Variants in ARHGAP39 observed in about 807,000 individuals in gnomAD.
ARHGAP39 encodes the protein Rho GTPase activating protein 39.
ARHGAP39 carries 44 observed loss-of-function variants against 106.9 expected under a neutral mutation model. The observed-to-expected ratio is 0.41, with a 90% CI of 0.32 to 0.53. ARHGAP39 has a LOEUF of 0.53. Among genes scored for constraint, ARHGAP39 ranks in the 20% least tolerant of loss-of-function variants. ARHGAP39 has a pLI of 0.21. For synonymous variants in ARHGAP39, 768 were observed against 693.2 expected (o/e 1.11, Z -1.69); for missense variants, 1,496 against 1,577.3 (o/e 0.95, Z 0.87).
chr8:144,590,535 C>G (rs1819352245), intron 2 of ARHGAP39, among the ~76,000 whole-genome samples: 1 of 152,064 alleles, frequency 6.6e-6, no homozygotes, highest in Non-Finnish European at 1.5e-5. Flanking sequence ...TGAGCAGATG[C>G]TGGCGCCATG....
intron 4 of ARHGAP39, among the ~76,000 whole-genome samples, chr8:144,551,490 G>T: frequency 6.6e-6 from 1 of 152,166 alleles, no homozygotes; most frequent in East Asian, 1.9e-4. Flanking sequence ...AGTCACAGAT[G>T]GGGAAGCCCC....
chr8:144,685,532 T>C (rs962575343), intron 1 of ARHGAP39, among the ~76,000 whole-genome samples, 154 bp downstream of exon 1: 3 of 73,794 alleles, frequency 4.1e-5, no homozygotes, highest in South Asian at 4.5e-4. Flanking sequence ...TCACAGCCCC[T>C]CCCGCCGCTG....
chr8:144,599,486 C>A (rs1400036776), intron 2 of ARHGAP39, among the ~76,000 whole-genome samples: 2 of 151,980 alleles, frequency 1.3e-5, no homozygotes, highest in Non-Finnish European at 2.9e-5. Context: ...CAATAGAAAC[C>A]CAGGAGATAA....
intron 7 of ARHGAP39, 72 bp from the exon 8 acceptor site, chr8:144,534,274 C>T: frequency 1.3e-6 from 2 of 1,562,088 alleles, no homozygotes; most frequent in Non-Finnish European, 1.8e-6. Context: ...GGTGAGCAGA[C>T]ACAGCTCCTT....
intron 1 of ARHGAP39, among the ~76,000 whole-genome samples, chr8:144,680,491 G>A (rs755375244): frequency 6.6e-6 from 1 of 152,168 alleles, no homozygotes; most frequent in African/African-American, 2.4e-5. Context: ...TCTGGAGTAC[G>A]GGTTAGGCCT....
At chr8:144,633,823 G>A (rs545270290) in intron 1 of ARHGAP39, among the ~76,000 whole-genome samples, 10 of 152,150 alleles carry the variant, frequency 6.6e-5, no homozygotes, top group Non-Finnish European at 1.3e-4. Context: ...ACTACAGCGC[G>A]TACCACCATG....
At chr8:144,536,169 C>T (rs1424509216) in intron 7 of ARHGAP39, among the ~76,000 whole-genome samples, 3 of 152,222 alleles carry the variant, frequency 2.0e-5, no homozygotes, top group Non-Finnish European at 4.4e-5. Flanking sequence ...GCCTGGACCT[C>T]AGCCCTCATC....
At chr8:144,613,492 T>C in intron 1 of ARHGAP39, among the ~76,000 whole-genome samples, 1 of 146,162 alleles carries the variant, frequency 6.8e-6, no homozygotes, top group Non-Finnish European at 1.5e-5. Flanking sequence ...GGTGGACAGT[T>C]TTTTTTTTTT....
chr8:144,637,199 G>C (rs1821193655), intron 1 of ARHGAP39, among the ~76,000 whole-genome samples: 1 of 152,162 alleles, frequency 6.6e-6, no homozygotes, highest in Non-Finnish European at 1.5e-5. Flanking sequence ...ACTGGTCCTT[G>C]AATATTCTTT....
At chr8:144,601,953 G>A (rs979635604) in intron 2 of ARHGAP39, among the ~76,000 whole-genome samples, 3 of 140,126 alleles carry the variant, frequency 2.1e-5, no homozygotes, top group African/African-American at 8.2e-5. Flanking sequence ...GCGAGCTCGT[G>A]TACCTGTGTT....
At chr8:144,620,834 A>AG (rs1162808100) in intron 1 of ARHGAP39, among the ~76,000 whole-genome samples, 1 of 152,236 alleles carries the variant, frequency 6.6e-6, no homozygotes, top group African/African-American at 2.4e-5. Context: ...AGTACAGAAG[A>AG]GGGGCCGTGA....
chr8:144,609,001 TAA>T (rs886563071), intron 1 of ARHGAP39, among the ~76,000 whole-genome samples: 3 of 152,192 alleles, frequency 2.0e-5, no homozygotes, highest in Non-Finnish European at 4.4e-5. Flanking sequence ...CAACAGTGAA[TAA>T]AAAGTTTTAC....
intron 1 of ARHGAP39, among the ~76,000 whole-genome samples, chr8:144,666,486 T>C (rs527383713): frequency 5.9e-5 from 9 of 152,246 alleles, no homozygotes; most frequent in African/African-American, 2.2e-4. Context: ...AGAATTCCCA[T>C]GTGTTGTAGG....
intron 1 of ARHGAP39, among the ~76,000 whole-genome samples, chr8:144,660,200 G>A (rs941420462): frequency 1.3e-5 from 2 of 152,104 alleles, no homozygotes; most frequent in African/African-American, 4.8e-5. Flanking sequence ...CCCATCCAGG[G>A]CACCTTGGCG....
chr8:144,675,271 T>C (rs1221461302), intron 1 of ARHGAP39, among the ~76,000 whole-genome samples: 1 of 152,102 alleles, frequency 6.6e-6, no homozygotes, highest in Non-Finnish European at 1.5e-5. Flanking sequence ...TCTTACTCTG[T>C]CACCAGGCTA....
At chr8:144,661,314 C>T (rs974623214) in intron 1 of ARHGAP39, among the ~76,000 whole-genome samples, 1 of 152,220 alleles carries the variant, frequency 6.6e-6, no homozygotes, top group African/African-American at 2.4e-5. Flanking sequence ...CCCGGCTCCT[C>T]TTTGCGCATT....
intron 1 of ARHGAP39, among the ~76,000 whole-genome samples, chr8:144,616,716 C>T (rs894470448): frequency 5.3e-5 from 8 of 152,232 alleles, no homozygotes; most frequent in Non-Finnish European, 8.8e-5. Context: ...GGCAGCAGGA[C>T]GGGTGCAGGA....
chr8:144,618,410 T>C (rs1377029917), intron 1 of ARHGAP39, among the ~76,000 whole-genome samples: 1 of 152,234 alleles, frequency 6.6e-6, no homozygotes, highest in Non-Finnish European at 1.5e-5. Flanking sequence ...GGAATTTTTG[T>C]TTTTGCCTGT....
At chr8:144,532,484 G>C in intron 9 of ARHGAP39, 88 bp from the exon 10 acceptor site, 2 of 1,246,940 alleles carry the variant, frequency 1.6e-6, no homozygotes, top group Non-Finnish European at 2.3e-6. Context: ...GTAGGCCCCT[G>C]CTGACCCGGG....
Sources: gnomAD v4.1 joint callset for allele counts (sites outside exome capture counted in the v4.1 genomes callset) on GRCh38, gnomAD v4.1.1 for gene constraint, MANE v1.5 for transcripts, NCBI Gene and HGNC (gene_info 2026-07-23, HGNC 2026-07-21) for gene names.